Variants in SLIT1 observed in about 807,000 individuals in gnomAD.
The protein encoded by SLIT1 is slit homolog 1 protein.
In SLIT1, 66 loss-of-function variants were observed where a neutral mutation model predicts 186.1. The ratio of observed to expected loss-of-function variants is 0.35; its 90% CI spans 0.29 to 0.44. The LOEUF (loss-of-function observed/expected upper bound fraction) is 0.44, where lower values mean the gene tolerates loss of function less well. SLIT1 is among the 20% of genes least tolerant of loss of function. The pLI is 1.00. For missense variants in SLIT1, 1,638 were observed against 2,037.4 expected (o/e 0.80, Z 3.77); for synonymous variants, 761 against 833.8 (o/e 0.91, Z 1.50).
intron 4 of SLIT1, among the ~76,000 whole-genome samples, chr10:97,096,562 A>AGCTT (rs1849292211): frequency 6.6e-6 from 1 of 152,202 alleles, no homozygotes; most frequent in South Asian, 2.1e-4. Context: ...CAAGCTAAAA[A>AGCTT]GGCTTCACGG....
intron 4 of SLIT1, among the ~76,000 whole-genome samples, chr10:97,149,740 G>A (rs2134711732): frequency 6.6e-6 from 1 of 152,236 alleles, no homozygotes; most frequent in Admixed American, 6.5e-5. Flanking sequence ...GGGGTCAGGT[G>A]GGCCTGGGTT....
At chr10:97,082,784 G>A (rs1303963847) in intron 4 of SLIT1, among the ~76,000 whole-genome samples, 1 of 152,180 alleles carries the variant, frequency 6.6e-6, no homozygotes, top group Non-Finnish European at 1.5e-5. Context: ...CACCACTCTG[G>A]TGTGGGACGT....
In SLIT1 at chr10:97,063,492, A is replaced by G. The variant is rs763020768; in HGVS notation, c.756T>C (p.Asn252=). ...ACTCACTCTTCTGGACCTCTGCCACATTGAGGCCACGCAGGCTGGCTGGGC... is the reference window on the plus strand; with the variant it reads ...ACTCACTCTTCTGGACCTCTGCCACGTTGAGGCCACGCAGGCTGGCTGGGC... ...CSGPASLRGL[N]VAEVQKSEFS... Residue 252 remains asparagine (N), a synonymous_variant, in exon 8 of 37, where the codon AAT becomes AAC. Coordinates refer to ENST00000266058, the MANE Select transcript of SLIT1 (RefSeq NM_003061.3). 4 of 1,613,008 alleles carry G rather than the reference A, an allele frequency of 2.5e-6. No individual in the cohort carries two copies. Among genetic ancestry groups the G allele is most frequent in the Non-Finnish European group, 3.4e-6 (4 of 1,179,978 alleles).
At chr10:97,175,683 G>A (rs1026545453) in intron 1 of SLIT1, among the ~76,000 whole-genome samples, 1 of 152,062 alleles carries the variant, frequency 6.6e-6, no homozygotes, top group African/African-American at 2.4e-5. Flanking sequence ...CCTTGCTCTT[G>A]CCAATCCCCT....
chr10:97,173,355 T>C (rs1425747134), intron 1 of SLIT1, among the ~76,000 whole-genome samples: 1 of 152,146 alleles, frequency 6.6e-6, no homozygotes, highest in East Asian at 1.9e-4. Flanking sequence ...TAGGCATCTT[T>C]CACATCACCT....
chr10:97,118,111 C>A (rs564195208), intron 4 of SLIT1, among the ~76,000 whole-genome samples: 1 of 152,104 alleles, frequency 6.6e-6, no homozygotes, highest in African/African-American at 2.4e-5. Context: ...AGGTGTCTGG[C>A]CCCATCACAG....
intron 13 of SLIT1, among the ~76,000 whole-genome samples, chr10:97,052,297 A>T (rs1848796654): frequency 6.6e-6 from 1 of 151,966 alleles, no homozygotes. Context: ...TGGGGATCTC[A>T]CTATGTTGCC....
chr10:97,130,324 G>GTATT (rs773304428), intron 4 of SLIT1, among the ~76,000 whole-genome samples: 3 of 152,198 alleles, frequency 2.0e-5, no homozygotes, highest in Non-Finnish European at 2.9e-5. Context: ...ATTCATGGAA[G>GTATT]TATTATTCAC....
chr10:97,061,120 C>T (rs1183288442), intron 8 of SLIT1, among the ~76,000 whole-genome samples: 1 of 152,238 alleles, frequency 6.6e-6, no homozygotes, highest in Non-Finnish European at 1.5e-5. Flanking sequence ...TGAGTCCCCT[C>T]ATCTCTCCCA....
chr10:97,021,905 G>A lies in SLIT1; in HGVS notation c.2583-492C>T, dbSNP rs1848505496. ...CACTGCATATGCATTGTCTCACTTA[G>A]TCATCACCACACGCTACTATTCTCA... On this transcript the variant is annotated intron_variant, in intron 25 of 36. Transcript: ENST00000266058. The surrounding 1 kb of genome is among the most constrained non-coding windows in gnomAD (Gnocchi z 4.5). 6.6e-6 allele frequency among the ~76,000 whole-genome samples: 1 copy of A among 152,158 alleles called. No homozygotes were observed. The highest frequency in any genetic ancestry group is 2.4e-5 in the African/African-American group (1 of 41,412).
In SLIT1 at chr10:97,060,170, A is replaced by G. The variant is rs1848879082; in HGVS notation, c.942-12T>C. The G allele has an allele frequency of 1.2e-6, 2 of 1,612,884 alleles. No homozygotes were observed. Among genetic ancestry groups the G allele is most frequent in the Non-Finnish European group, 1.7e-6 (2 of 1,178,934 alleles). ...TCAGCTCCAGGCGTCTGCGGGGAGAAAAGAGAGGGGAAGCCCAAGGGCCCA... is the reference window on the plus strand; with the variant it reads ...TCAGCTCCAGGCGTCTGCGGGGAGAGAAGAGAGGGGAAGCCCAAGGGCCCA... On this transcript the variant is annotated splice_polypyrimidine_tract_variant and intron_variant, in intron 9 of 36. Coordinates refer to ENST00000266058, the MANE Select transcript of SLIT1 (RefSeq NM_003061.3).
intron 21 of SLIT1, among the ~76,000 whole-genome samples, chr10:97,039,523 G>A (rs1848671887): frequency 6.6e-6 from 1 of 152,246 alleles, no homozygotes; most frequent in African/African-American, 2.4e-5. Context: ...GGCGATTTCA[G>A]TGAGGGGGTG....
intron 3 of SLIT1, among the ~76,000 whole-genome samples, chr10:97,162,813 T>C (rs1489436774): frequency 6.7e-6 from 1 of 150,246 alleles, no homozygotes; most frequent in Non-Finnish European, 1.5e-5. Flanking sequence ...ATCCCCCACC[T>C]CACCCCACTA....
At chr10:97,019,924 G>A (rs976845136) in intron 26 of SLIT1, among the ~76,000 whole-genome samples, 4 of 151,966 alleles carry the variant, frequency 2.6e-5, no homozygotes, top group Admixed American at 2.6e-4. Context: ...CACACATGAC[G>A]GACTTCTGGG....
At chr10:97,116,434 G>A (rs911193047) in intron 4 of SLIT1, among the ~76,000 whole-genome samples, 1 of 152,164 alleles carries the variant, frequency 6.6e-6, no homozygotes, top group Non-Finnish European at 1.5e-5. Flanking sequence ...CTTCCCCAGA[G>A]GAGGGAAGAG....
rs578002161 is a variant in SLIT1 at position 97,001,620 on chromosome 10, G to A, written c.4367-270C>T. Among the ~76,000 whole-genome samples, 146 of 152,252 alleles carry A rather than the reference G, an allele frequency of 9.6e-4. 2 individuals are homozygous for A. In the South Asian group the frequency reaches 0.017, roughly 18 times the overall value. On this transcript the variant is annotated intron_variant, in intron 36 of 36. Transcript: ENST00000266058. ...AGGGGGGGTCCCCATTGCTAGAGGC[G>A]TGCAAGAGAGGCTGGAGGCCCCGGG...
At chr10:97,174,363 C>T (rs1431602264) in intron 1 of SLIT1, among the ~76,000 whole-genome samples, 1 of 152,240 alleles carries the variant, frequency 6.6e-6, no homozygotes, top group Non-Finnish European at 1.5e-5. Context: ...GCATACCATA[C>T]TCAAGGCCTT....
intron 4 of SLIT1, among the ~76,000 whole-genome samples, chr10:97,129,319 T>A (rs1296611122): frequency 6.6e-6 from 1 of 151,652 alleles, no homozygotes; most frequent in Non-Finnish European, 1.5e-5. Context: ...AGAGAATCAC[T>A]TGAACCTCTG....
intron 11 of SLIT1, among the ~76,000 whole-genome samples, chr10:97,058,650 G>A (rs938007128): frequency 5.9e-5 from 9 of 152,348 alleles, no homozygotes; most frequent in African/African-American, 2.2e-4. Context: ...TGAGCTGGCA[G>A]GCTCCTGCAC....
Sources: allele counts gnomAD v4.1 joint callset (sites outside exome capture counted in the v4.1 genomes callset), GRCh38; gene constraint gnomAD v4.1.1; non-coding constraint Gnocchi (gnomAD v3.1); transcripts MANE v1.5; gene names NCBI Gene and HGNC (gene_info 2026-07-23, HGNC 2026-07-21).